Variants in SLC35D4 observed in about 807,000 individuals in gnomAD.
The protein encoded by SLC35D4 is UDP-N-acetylglucosamine transporter SLC35D4.
chr18:23,298,114 T>G, the SLC35D4 span: 2 of 1,610,936 alleles, frequency 1.2e-6, no homozygotes, highest in Non-Finnish European at 1.7e-6. Flanking sequence ...CCGGGACCCC[T>G]GAGCTGCCTG....
At chr18:23,388,853 G>T in the SLC35D4 span, among the ~76,000 whole-genome samples, 1 of 152,126 alleles carries the variant, frequency 6.6e-6, no homozygotes, top group African/African-American at 2.4e-5. Context: ...CATGGTAAGA[G>T]GTGCTTGCTT....
the SLC35D4 span, among the ~76,000 whole-genome samples, chr18:23,263,137 T>G: frequency 6.6e-6 from 1 of 152,194 alleles, no homozygotes; most frequent in Admixed American, 6.5e-5. Context: ...GATTATGAAG[T>G]GACAAAGGCA....
chr18:23,249,892 G>T, the SLC35D4 span, among the ~76,000 whole-genome samples: 1 of 152,238 alleles, frequency 6.6e-6, no homozygotes, highest in South Asian at 2.1e-4. Context: ...TGGGGCACGA[G>T]CTGGAAGCAG....
chr18:23,347,282 G>C, the SLC35D4 span, among the ~76,000 whole-genome samples: 1 of 152,028 alleles, frequency 6.6e-6, no homozygotes, highest in Non-Finnish European at 1.5e-5. Context: ...CATCCAAATT[G>C]ACTAATTTTC....
chr18:23,266,388 A>T, the SLC35D4 span, among the ~76,000 whole-genome samples: 3 of 133,340 alleles, frequency 2.2e-5, no homozygotes, highest in South Asian at 7.4e-4. Context: ...TTTTACCTCC[A>T]TTGAACTTAA....
the SLC35D4 span, among the ~76,000 whole-genome samples, chr18:23,390,886 T>C: frequency 6.6e-6 from 1 of 152,186 alleles, no homozygotes; most frequent in Non-Finnish European, 1.5e-5. Context: ...AAAGTAACTC[T>C]GAACTGTTGG....
the SLC35D4 span, among the ~76,000 whole-genome samples, chr18:23,334,679 G>A: frequency 1.3e-5 from 2 of 152,024 alleles, no homozygotes; most frequent in Non-Finnish European, 2.9e-5. Context: ...CCAGGTTAGC[G>A]CAAAGTGCCA....
At chr18:23,286,757 G>C in the SLC35D4 span, among the ~76,000 whole-genome samples, 2 of 152,070 alleles carry the variant, frequency 1.3e-5, no homozygotes, top group East Asian at 1.9e-4. Flanking sequence ...TGCCAACTTA[G>C]ACAATACTCT....
chr18:23,276,721 G>A, the SLC35D4 span, among the ~76,000 whole-genome samples: 15,046 of 152,222 alleles, frequency 0.099, 1,025 homozygotes, highest in Middle Eastern at 0.25. Flanking sequence ...GTCCCTGCCC[G>A]CCTATCCTCC....
chr18:23,371,564 G>T, the SLC35D4 span: 1 of 1,013,226 alleles, frequency 9.9e-7, no homozygotes, highest in Non-Finnish European at 1.4e-6. Flanking sequence ...TCAATGCTCA[G>T]TGCCAAGCAA....
At chr18:23,362,418 G>A in the SLC35D4 span, among the ~76,000 whole-genome samples, 13 of 152,110 alleles carry the variant, frequency 8.5e-5, no homozygotes, top group African/African-American at 2.2e-4. Context: ...GGCCAGTATC[G>A]TGAAACCCTG....
the SLC35D4 span, chr18:23,254,031 AT>A: frequency 1.2e-5 from 12 of 1,017,500 alleles, no homozygotes; most frequent in Non-Finnish European, 1.8e-5. Context: ...GCCTGGAAGG[AT>A]TCTGATCCTT....
chr18:23,352,285 A>G, the SLC35D4 span: 1 of 1,606,242 alleles, frequency 6.2e-7, no homozygotes, highest in Non-Finnish European at 8.5e-7. Flanking sequence ...AATCCCAAAA[A>G]TCCACTGGAA....
At chr18:23,349,944 A>C in the SLC35D4 span, among the ~76,000 whole-genome samples, 1 of 152,232 alleles carries the variant, frequency 6.6e-6, no homozygotes, top group Non-Finnish European at 1.5e-5. Context: ...GAATAAATTT[A>C]AATAGCTGCT....
At chr18:23,437,860 CTCG>C in the SLC35D4 span, 1 of 1,611,754 alleles carries the variant, frequency 6.2e-7, no homozygotes, top group East Asian at 2.2e-5. Context: ...CATCTGTCAA[CTCG>C]TCCCCTTCTC....
the SLC35D4 span, among the ~76,000 whole-genome samples, chr18:23,337,509 T>A: frequency 1.3e-5 from 2 of 152,020 alleles, no homozygotes; most frequent in African/African-American, 2.4e-5. Context: ...TTAGAAGTCA[T>A]GAAATCTGTG....
At chr18:23,274,029 C>T in the SLC35D4 span, among the ~76,000 whole-genome samples, 1 of 152,130 alleles carries the variant, frequency 6.6e-6, no homozygotes, top group Non-Finnish European at 1.5e-5. Flanking sequence ...ACCTCCTCAG[C>T]TCAAGTGATC....
chr18:23,309,515 GTTTT>G, the SLC35D4 span, among the ~76,000 whole-genome samples: 2 of 144,444 alleles, frequency 1.4e-5, no homozygotes, highest in Admixed American at 1.4e-4. Flanking sequence ...GTCAATACAA[GTTTT>G]TTTTTTTTTA....
At chr18:23,401,677 C>T in the SLC35D4 span, among the ~76,000 whole-genome samples, 36 of 152,272 alleles carry the variant, frequency 2.4e-4, no homozygotes, top group Admixed American at 1.8e-3. Context: ...CTGGGTGAAA[C>T]GGCAGCTGGC....
Sources: gnomAD v4.1 joint callset for allele counts (sites outside exome capture counted in the v4.1 genomes callset) on GRCh38, gnomAD v4.1.1 for gene constraint, MANE v1.5 for transcripts, NCBI Gene and HGNC (gene_info 2026-07-23, HGNC 2026-07-21) for gene names.